KRTCAP2: variants seen among roughly 807,000 people sequenced by gnomAD.
KRTCAP2 encodes the protein keratinocyte associated protein 2, also known as dolichyl-diphosphooligosaccharide--protein glycosyltransferase subunit KCP2.
A neutral mutation model predicts 16.5 loss-of-function variants in KRTCAP2; 10 were observed. The observed-to-expected ratio is 0.60, with a 90% CI of 0.37 to 1.02. The LOEUF is 1.02. KRTCAP2 is among the 50% of genes least tolerant of loss of function. The pLI is 0.01. For missense variants in KRTCAP2, 152 were observed against 159.6 expected (o/e 0.95, Z 0.26); for synonymous variants, 68 against 69.8 (o/e 0.97, Z 0.13).
At chr1:155,171,406 G>T in intron 3 of KRTCAP2, 2 of 947,378 alleles carry the variant, frequency 2.1e-6, no homozygotes, top group South Asian at 9.8e-5. Flanking sequence ...GTGACAGAGC[G>T]AGACTCCATC....
Position 155,169,853 on chromosome 1 carries a change from G to A in KRTCAP2, c.228C>T (p.Leu76=), listed in dbSNP as rs1210260737. 5 of 1,585,760 alleles carry A rather than the reference G, an allele frequency of 3.2e-6. No individual in the cohort carries two copies. The highest frequency in any genetic ancestry group is 4.3e-6 in the Non-Finnish European group (5 of 1,164,640). Residue 76 remains leucine (L), a synonymous_variant, in exon 4 of 5, where the codon CTC becomes CTT. Transcript: ENST00000295682. ...GFQAKIFPEI[L]LCLLLALFAS... The stretch of plus-strand genomic sequence containing the variant: ...CAAAGAGAGCCAACAGGAGGCACAG[G>A]AGAACTAGGGAGGCAAGAAGAACAA...
At chr1:155,172,672 G>A in intron 2 of KRTCAP2, 44 bp from the exon 3 acceptor site, 1 of 1,613,990 alleles carries the variant, frequency 6.2e-7, no homozygotes, top group Admixed American at 1.7e-5. Flanking sequence ...CGGGGACAGA[G>A]CTGTGTGGGG....
Position 155,173,201 on chromosome 1 carries a change from G to C in KRTCAP2, c.4+20C>G. 6.2e-7 allele frequency: 1 copy of C among 1,608,884 alleles called. No individual in the cohort carries two copies. The highest frequency in any genetic ancestry group is 1.1e-5 in the South Asian group (1 of 90,832). The stretch of plus-strand genomic sequence containing the variant: ...CCGACCCCCTCTAGGACTTCCTGGG[G>C]ACCCCACCGGTCCTGTTACCCATCA... On this transcript the variant is annotated intron_variant, in intron 1 of 4. Coordinates refer to ENST00000295682, the MANE Select transcript of KRTCAP2 (RefSeq NM_173852.4).
At chr1:155,169,678 G>C (rs1002695606) in intron 4 of KRTCAP2, 113 bp downstream of exon 4, 1 of 1,393,796 alleles carries the variant, frequency 7.2e-7, no homozygotes, top group Admixed American at 1.9e-5. Flanking sequence ...AAAACGGGGA[G>C]GGAGAACAGA....
chr1:155,173,079 C>G, intron 1 of KRTCAP2, 142 bp downstream of exon 1: 1 of 956,678 alleles, frequency 1.0e-6, no homozygotes, highest in Non-Finnish European at 1.6e-6. Flanking sequence ...CCGGACACCC[C>G]GAACCCTCCC....
intron 3 of KRTCAP2, chr1:155,171,722 G>A (rs1471430957): frequency 1.9e-6 from 1 of 520,866 alleles, no homozygotes; most frequent in African/African-American, 2.1e-5. Flanking sequence ...GCTGGGTGTG[G>A]TGGCACTCAC....
At position 155,173,268 on chromosome 1, in the gene KRTCAP2, G is replaced by A. The variant is rs538757076; in HGVS notation, c.-44C>T. On this transcript the variant is annotated 5_prime_UTR_variant, in exon 1 of 5. Coordinates refer to ENST00000295682, the MANE Select transcript of KRTCAP2 (RefSeq NM_173852.4). Reference sequence around the variant, plus strand: ...CCAACCGGCGCCTCTGGCCAAGAAAGGCGAGCTGAACCGGGTGCGGTTAGC... The same window carrying A: ...CCAACCGGCGCCTCTGGCCAAGAAAAGCGAGCTGAACCGGGTGCGGTTAGC... The A allele has an allele frequency of 5.6e-6, 9 of 1,614,180 alleles. No individual in the cohort carries two copies. Among genetic ancestry groups the A allele is most frequent in the South Asian group, 1.1e-5 (1 of 91,068 alleles).
chr1:155,172,192 T>C (rs1280695451), intron 3 of KRTCAP2: 1 of 1,094,344 alleles, frequency 9.1e-7, no homozygotes, highest in African/African-American at 1.6e-5. Flanking sequence ...TAGAATTCTC[T>C]AATATTGAGT....
At chr1:155,170,284 G>A (rs1158604499) in intron 3 of KRTCAP2, 1 of 149,062 alleles carries the variant, frequency 6.7e-6, no homozygotes, top group African/African-American at 2.6e-5. Context: ...AAGTTGCAGT[G>A]AACTGTGATC....
chr1:155,169,635 G>A (rs1665178793), intron 4 of KRTCAP2, 75 bp from the exon 5 acceptor site: 5 of 1,527,042 alleles, frequency 3.3e-6, no homozygotes, highest in Non-Finnish European at 4.5e-6. Context: ...GAAGACACTA[G>A]CATCAAGGAA....
rs1467789588 is a variant in KRTCAP2, at chr1:155,173,257, T to C, written c.-33A>G. The C allele has an allele frequency of 1.2e-6, 2 of 1,614,128 alleles. No homozygotes were observed. The highest frequency in any genetic ancestry group is 1.7e-4 in the Middle Eastern group (1 of 6,022). Reference sequence around the variant, plus strand: ...CGCCCGTGAGTCCAACCGGCGCCTCTGGCCAAGAAAGGCGAGCTGAACCGG... The same window carrying C: ...CGCCCGTGAGTCCAACCGGCGCCTCCGGCCAAGAAAGGCGAGCTGAACCGG... On this transcript the variant is annotated 5_prime_UTR_variant, in exon 1 of 5. Coordinates refer to ENST00000295682, the MANE Select transcript of KRTCAP2 (RefSeq NM_173852.4).
chr1:155,172,482 C>T, intron 3 of KRTCAP2, 83 bp downstream of exon 3: 2 of 1,610,360 alleles, frequency 1.2e-6, no homozygotes, highest in African/African-American at 1.3e-5. Flanking sequence ...AACCTTTCAC[C>T]TAAGCATCTG....
intron 3 of KRTCAP2, chr1:155,170,979 T>G (rs370382479): frequency 6.6e-5 from 10 of 152,180 alleles, no homozygotes; most frequent in African/African-American, 2.2e-4. Flanking sequence ...CGGCTAATTT[T>G]TGTATTTTTT....
chr1:155,171,226 C>G (rs1665228062), intron 3 of KRTCAP2: 1 of 153,552 alleles, frequency 6.5e-6, no homozygotes. Flanking sequence ...CAAGACCAGC[C>G]TAACCAACAT....
At position 155,169,822 on chromosome 1, in the gene KRTCAP2, C is replaced by A; in HGVS notation, c.259G>T (p.Gly87Cys). 1 of 1,596,984 alleles carries A rather than the reference C, an allele frequency of 6.3e-7. No homozygotes were observed. Among genetic ancestry groups the A allele is most frequent in the Non-Finnish European group, 8.5e-7 (1 of 1,171,228 alleles). The change falls in exon 4 of 5, where the codon GGC (glycine) becomes TGC (cysteine). Residue 87 changes from glycine to cysteine, a missense_variant. Gly to Cys is a radical substitution (Grantham distance 159). Transcript: ENST00000295682. ...LCLLLALFAS[G>C]LIHRVCVTTC... The stretch of plus-strand genomic sequence containing the variant: ...GTGACACAGACTCGGTGGATGAGGC[C>A]AGATGCAAAGAGAGCCAACAGGAGG...
chr1:155,172,890 C>T lies in KRTCAP2; in HGVS notation c.7G>A (p.Val3Met), dbSNP rs777482951. The T allele has an allele frequency of 1.2e-6, 2 of 1,613,872 alleles. No homozygotes were observed. Among genetic ancestry groups the T allele is most frequent in the Non-Finnish European group, 8.5e-7 (1 of 1,179,944 alleles). Residue 3 changes from valine (V) to methionine (M), a missense_variant and splice_region_variant, in exon 2 of 5, where the codon GTG becomes ATG. Physicochemically the swap from Val to Met is conservative, Grantham distance 21. Transcript: ENST00000295682. ...AGCGCCAGCGAGGTGCCCGTACCCACCACTGGAGGGGATGGGAGAAGGGAC... is the reference window on the plus strand; with the variant it reads ...AGCGCCAGCGAGGTGCCCGTACCCATCACTGGAGGGGATGGGAGAAGGGAC... MV[V>M]GTGTSLALSS...
Position 155,172,840 on chromosome 1 carries a change from G to A in KRTCAP2, c.57C>T (p.Leu19=), listed in dbSNP as rs754157270. The change falls in exon 2 of 5, where the codon CTC becomes CTT. Residue 19 remains leucine, a synonymous_variant. Transcript: ENST00000295682. ...GGCTGTACATCTGCATCCCAGCAAA[G>A]AGCAGCAGGGACAGGAGGGAGGAGA... ...LALSSLLSLL[L]FAGMQMYSRQ... 72 of 1,614,106 alleles carry A rather than the reference G, an allele frequency of 4.5e-5. No individual in the cohort carries two copies. Among genetic ancestry groups the A allele is most frequent in the Middle Eastern group, 1.6e-4 (1 of 6,082 alleles).
intron 2 of KRTCAP2, 28 bp from the exon 3 acceptor site, chr1:155,172,656 G>A (rs1665296282): frequency 3.1e-6 from 5 of 1,614,108 alleles, no homozygotes; most frequent in Non-Finnish European, 4.2e-6. Flanking sequence ...GGAGTAGGGT[G>A]TGCAACGGGG....
intron 3 of KRTCAP2, chr1:155,172,281 T>C (rs58939130): frequency 0.065 from 84,105 of 1,284,312 alleles, 3,001 homozygotes; most frequent in African/African-American, 0.12. Context: ...TCCCAGCGAA[T>C]AGATGCAAAA....
Sources: gnomAD v4.1 joint callset for allele counts on GRCh38, gnomAD v4.1.1 for gene constraint, MANE v1.5 for transcripts, NCBI Gene and HGNC (gene_info 2026-07-23, HGNC 2026-07-21) for gene names.